FRY: variants seen among roughly 807,000 people sequenced by gnomAD.
The protein encoded by FRY is FRY microtubule binding protein.
A neutral mutation model predicts 348.4 loss-of-function variants in FRY; 128 were observed. The observed-to-expected ratio is 0.37, with a 90% confidence interval of 0.32 to 0.43. The LOEUF (loss-of-function observed/expected upper bound fraction) is 0.43. Ranked by LOEUF, FRY falls within the 20% of genes least tolerant of loss-of-function variation. The pLI is 1.00. For synonymous variants in FRY, 1,370 were observed against 1,374.7 expected, an observed-to-expected ratio of 1.00 and a Z score of 0.08; for missense variants, 2,736 against 3,695.2, an observed-to-expected ratio of 0.74 and a Z score of 6.73.
chr13:32,239,431 A>G lies in FRY; in HGVS notation c.6516+82A>G. ...GTGTCAGGCAAATTACAAGGCCCAGAGATGGCAGTGATTTTCTCAAAAACT... is the reference window on the plus strand; with the variant it reads ...GTGTCAGGCAAATTACAAGGCCCAGGGATGGCAGTGATTTTCTCAAAAACT... On this transcript the variant is annotated intron_variant, in intron 45 of 60. Transcript: ENST00000542859. The surrounding 1 kb of genome is among the most constrained non-coding windows in gnomAD (Gnocchi z 4.3). 1 of 854,696 alleles carries G rather than the reference A, an allele frequency of 1.2e-6. No individual in the cohort carries two copies. Among genetic ancestry groups the G allele is most frequent in the Non-Finnish European group, 2.1e-6 (1 of 487,334 alleles). 52.9% of individuals were successfully genotyped at this position (854,696 alleles called of 1,614,324 possible).
At chr13:32,227,049 C>G (rs1370421329) in intron 39 of FRY, among the ~76,000 whole-genome samples, 2 of 152,156 alleles carry the variant, frequency 1.3e-5, no homozygotes, top group East Asian at 3.8e-4. Flanking sequence ...ACTGTAATAT[C>G]TGATAAGTTG....
intron 26 of FRY, 90 bp from the exon 27 acceptor site, chr13:32,186,170 G>C (rs537648876): frequency 2.0e-6 from 2 of 987,190 alleles, no homozygotes; most frequent in East Asian, 4.8e-5. Context: ...AAAATGAAGT[G>C]GTTCCTTTCC....
intron 46 of FRY, among the ~76,000 whole-genome samples, chr13:32,241,328 A>T (rs892064972): frequency 6.6e-6 from 1 of 152,256 alleles, no homozygotes; most frequent in Admixed American, 6.5e-5. Context: ...ATTATTCAGG[A>T]AGAAATTCTG....
chr13:32,092,246 A>C (rs928486189), intron 2 of FRY, among the ~76,000 whole-genome samples: 1 of 152,236 alleles, frequency 6.6e-6, no homozygotes, highest in African/African-American at 2.4e-5. Flanking sequence ...AGGCCACTAA[A>C]AAGTTAGAAG....
chr13:32,041,088 G>T (rs957799726), intron 1 of FRY, among the ~76,000 whole-genome samples: 1 of 152,104 alleles, frequency 6.6e-6, no homozygotes, highest in Non-Finnish European at 1.5e-5. Context: ...TTTACAACTC[G>T]TGTTTACAAG....
Position 32,136,910 on chromosome 13 carries a change from C to T in FRY, c.1117C>T (p.Gln373Ter). ...PLVTCLLCVS[Q>*]KQLFLNRWHI... is the part of the protein sequence containing the mutation. ...GGTGACCTGTTTGCTCTGTGTCAGT[C>T]AGAAGCAGCTGTTCCTGAACAGGTG... is the stretch of plus-strand genomic sequence containing the variant. Residue 373 changes from glutamine (Q) to a stop codon, truncating the protein, a stop_gained, in exon 11 of 61, where the codon CAG (glutamine) becomes TAG (stop). Coordinates refer to ENST00000542859, the MANE Select transcript of FRY (RefSeq NM_023037.3). LOFTEE classifies it high-confidence loss of function. The T allele has an allele frequency of 6.2e-7, 1 of 1,611,130 alleles. No homozygotes were observed. The highest frequency in any genetic ancestry group is 8.5e-7 in the Non-Finnish European group (1 of 1,177,278).
rs904732946 is a variant in FRY, at chr13:32,298,481, G to A, written c.*3021G>A. The A allele has an allele frequency of 2.0e-5, 3 of 152,150 alleles. No homozygotes were observed. Among genetic ancestry groups the A allele is most frequent in the Non-Finnish European group, 4.4e-5 (3 of 68,034 alleles). 9.4% of individuals were successfully genotyped at this position (152,150 alleles called of 1,614,324 possible). ...AAATATTTATTGCATGCCCACTCTG[G>A]GCTAGGCACTGTTTTAGAGGACACC... On this transcript the variant is annotated 3_prime_UTR_variant, in exon 61 of 61. Transcript: ENST00000542859.
chr13:32,265,018 T>A (rs1172863083), intron 53 of FRY, among the ~76,000 whole-genome samples: 1 of 152,076 alleles, frequency 6.6e-6, no homozygotes, highest in African/African-American at 2.4e-5. Flanking sequence ...ATGGAAGGAG[T>A]TCTGAATCCA....
chr13:32,035,597 G>GTC (rs927879876), intron 1 of FRY, among the ~76,000 whole-genome samples: 8 of 152,190 alleles, frequency 5.3e-5, no homozygotes, highest in African/African-American at 1.9e-4. Context: ...GCGTCCTTGT[G>GTC]TCTCTGTCCA....
At chr13:32,166,998 C>G (rs932119191) in intron 17 of FRY, among the ~76,000 whole-genome samples, 3 of 151,916 alleles carry the variant, frequency 2.0e-5, no homozygotes, top group Non-Finnish European at 2.9e-5. Flanking sequence ...CCCTGGGGCT[C>G]CAAGAGTCCT....
intron 6 of FRY, 52 bp downstream of exon 6, chr13:32,124,733 C>A: frequency 1.3e-6 from 2 of 1,509,078 alleles, no homozygotes; most frequent in South Asian, 1.1e-5. Context: ...AAAACTAAAT[C>A]AGTGGTTTGC....
rs1368297712 is a variant in FRY at position 32,147,876 on chromosome 13, G to C, written c.1321G>C (p.Gly441Arg). Reference protein sequence around the residue: ...ITIITTLFPKGSRGVVPRDMP... With the variant: ...ITIITTLFPKRSRGVVPRDMP... ...CATCATCACAACACTTTTCCCCAAA[G>C]GGTCCCGCGGTGTGGTACCAAGGGA... Residue 441 changes from glycine to arginine, a missense_variant, in exon 13 of 61, where the codon GGG becomes CGG. Gly to Arg is a moderately radical substitution (Grantham distance 125). Coordinates refer to ENST00000542859, the MANE Select transcript of FRY (RefSeq NM_023037.3). 1 of 1,611,230 alleles carries C rather than the reference G, an allele frequency of 6.2e-7. No homozygotes were observed. Among genetic ancestry groups the C allele is most frequent in the Non-Finnish European group, 8.5e-7 (1 of 1,177,556 alleles).
intron 11 of FRY, 65 bp downstream of exon 11, chr13:32,137,037 A>G: frequency 1.1e-6 from 1 of 896,950 alleles, no homozygotes; most frequent in Non-Finnish European, 1.9e-6. Flanking sequence ...AGGCTGGCTG[A>G]TGTGCTTCTG....
At chr13:32,071,706 G>T (rs1566055159) in intron 1 of FRY, among the ~76,000 whole-genome samples, 1 of 152,036 alleles carries the variant, frequency 6.6e-6, no homozygotes, top group Non-Finnish European at 1.5e-5. Context: ...AACGTAGAAT[G>T]GTGGTTGCCT....
Position 32,184,552 on chromosome 13 carries a change from A to G in FRY, c.3055-48A>G, listed in dbSNP as rs753176371. 2.7e-6 allele frequency: 3 copies of G among 1,123,170 alleles called. No homozygotes were observed. The East Asian group carries it at 7.2e-5, about 27-fold the overall frequency. 69.6% of individuals were successfully genotyped at this position (1,123,170 alleles called of 1,614,324 possible). ...AATACCATTTTCTAAAACAAAGTTA[A>G]TATTGTTTTGCCTGTGTCTGTAAGT... On this transcript the variant is annotated intron_variant, in intron 24 of 60. Transcript: ENST00000542859.
chr13:32,274,245 C>T (rs1041042592), intron 55 of FRY, among the ~76,000 whole-genome samples: 9 of 152,004 alleles, frequency 5.9e-5, no homozygotes, highest in Non-Finnish European at 7.4e-5. Flanking sequence ...CATTAATAAT[C>T]GTGTATGATA....
At position 32,260,570 on chromosome 13, in the gene FRY, T is replaced by C. The variant is rs138332075; in HGVS notation, c.7417-1046T>C. Among the ~76,000 whole-genome samples the C allele has an allele frequency of 6.9e-3, 1,052 of 152,316 alleles. 7 individuals are homozygous for C. Among genetic ancestry groups the C allele is most frequent in the African/African-American group, 0.024 (1,010 of 41,572 alleles). On this transcript the variant is annotated intron_variant, in intron 51 of 60. Transcript: ENST00000542859. ...AGCTAGTTCTCGGTAATTCAAAATA[T>C]ACAAATCAACAATAATATTTGGGGC...
chr13:32,102,384 T>A (rs1332541134), intron 3 of FRY, among the ~76,000 whole-genome samples: 1 of 152,246 alleles, frequency 6.6e-6, no homozygotes, highest in Non-Finnish European at 1.5e-5. Flanking sequence ...ATCAGATCTC[T>A]GCACTAGAGC....
intron 59 of FRY, among the ~76,000 whole-genome samples, chr13:32,292,770 G>A (rs749951669): frequency 1.3e-5 from 2 of 150,136 alleles, no homozygotes; most frequent in Non-Finnish European, 3.0e-5. Context: ...CCAGCCTGGT[G>A]ACAGAGCAAG....
Sources: allele counts gnomAD v4.1 joint callset (sites outside exome capture counted in the v4.1 genomes callset), GRCh38; gene constraint gnomAD v4.1.1; non-coding constraint Gnocchi (gnomAD v3.1); transcripts MANE v1.5; gene names NCBI Gene and HGNC (gene_info 2026-07-23, HGNC 2026-07-21).